PACS2: variants seen among roughly 807,000 people sequenced by gnomAD.
The protein encoded by PACS2 is PACS1-like protein.
In PACS2, 36 loss-of-function variants were observed where a neutral mutation model predicts 113.0. That is an observed-to-expected ratio of 0.32 (90% CI 0.24 to 0.42). PACS2 has a LOEUF of 0.42. Among genes scored for constraint, PACS2 ranks in the 10% least tolerant of loss-of-function variants. The pLI is 1.00. For missense variants in PACS2, 1,015 were observed against 1,239.5 expected (o/e 0.82, Z 2.72); for synonymous variants, 589 against 536.1 (o/e 1.10, Z -1.36).
chr14:105,350,738 C>T (rs2060139428), intron 2 of PACS2, among the ~76,000 whole-genome samples: 1 of 152,244 alleles, frequency 6.6e-6, no homozygotes, highest in African/African-American at 2.4e-5. Flanking sequence ...CCCGACACAG[C>T]TGGGTCCCTG....
chr14:105,369,912 G>GCGCCTTCTGCTCGCGGCCCCCA lies in PACS2; in HGVS notation c.801+18_801+39dup. 6.3e-7 allele frequency: 1 copy of GCGCCTTCTGCTCGCGGCCCCCA among 1,596,298 alleles called. No individual in the cohort carries two copies. Among genetic ancestry groups the GCGCCTTCTGCTCGCGGCCCCCA allele is most frequent in the Non-Finnish European group, 8.5e-7 (1 of 1,175,750 alleles). On this transcript the variant is annotated intron_variant, in intron 8 of 24. Transcript: ENST00000447393. ...AAGTGTCCGACGAGGTGAGTGCGCC[G>GCGCCTTCTGCTCGCGGCCCCCA]CGCCTTCTGCTCGCGGCCCCCACGC...
At chr14:105,382,772 T>C in intron 14 of PACS2, 35 bp from the exon 15 acceptor site, 1 of 1,375,036 alleles carries the variant, frequency 7.3e-7, no homozygotes, top group Non-Finnish European at 1.0e-6. Flanking sequence ...CCTGGGCGGC[T>C]GTGCCGAAGT....
chr14:105,392,749 C>T lies in PACS2; in HGVS notation c.2386C>T (p.Arg796Trp), dbSNP rs1595193008. The change falls in exon 23 of 25, where the codon CGG (arginine) becomes TGG (tryptophan). Residue 796 changes from arginine (R) to tryptophan (W), a missense_variant. By Grantham distance (101) the Arg-to-Trp change is moderately radical. Transcript: ENST00000447393. The stretch of plus-strand genomic sequence containing the variant: ...CAAAAACACGCTCAAGTGCACTTTC[C>T]GGTCCCTCCAGGTCAGCAGGCTGCC... ...VTKNTLKCTF[R>W]SLQVSRLPSS... The T allele has an allele frequency of 6.2e-7, 1 of 1,612,582 alleles. No homozygotes were observed. The highest frequency in any genetic ancestry group is 1.1e-5 in the South Asian group (1 of 91,082).
chr14:105,392,489 C>T, intron 22 of PACS2, 130 bp from the exon 23 acceptor site: 1 of 741,634 alleles, frequency 1.3e-6, no homozygotes, highest in Admixed American at 2.3e-5. Context: ...GCTCCAAGCA[C>T]CCGGCCCTCC....
intron 21 of PACS2, 52 bp from the exon 22 acceptor site, chr14:105,391,579 C>G: frequency 1.3e-6 from 2 of 1,570,712 alleles, no homozygotes; most frequent in African/African-American, 2.7e-5. Context: ...CCTGGTGGCA[C>G]CCGGGCAGAG....
At chr14:105,344,741 T>G (rs2059855627) in intron 1 of PACS2, among the ~76,000 whole-genome samples, 1 of 152,178 alleles carries the variant, frequency 6.6e-6, no homozygotes, top group Admixed American at 6.6e-5. Flanking sequence ...TATTTTCAGT[T>G]TAGTTGTTCC....
At chr14:105,388,301 G>T (rs1455168195) in intron 19 of PACS2, among the ~76,000 whole-genome samples, 1 of 152,236 alleles carries the variant, frequency 6.6e-6, no homozygotes, top group Non-Finnish European at 1.5e-5. Context: ...GACAGGGAAG[G>T]CACCTGCTGG....
chr14:105,327,331 C>T (rs957903174), intron 1 of PACS2, among the ~76,000 whole-genome samples: 8 of 152,192 alleles, frequency 5.3e-5, no homozygotes, highest in Admixed American at 2.0e-4. Context: ...CAGTGCCTGC[C>T]GCTACTGCCT....
In PACS2 at chr14:105,389,989, A is replaced by C. The variant is rs782503861; in HGVS notation, c.2062A>C (p.Ile688Leu). ...TGACGAAGAGTCCTCCCAAAAGTTCATTCCCTTTGTCGGGGTGAGTACTGG... is the reference window on the plus strand; with the variant it reads ...TGACGAAGAGTCCTCCCAAAAGTTCCTTCCCTTTGTCGGGGTGAGTACTGG... ...SPDEESSQKF[I>L]PFVGVVKVGI... The change falls in exon 20 of 25, where the codon ATT becomes CTT. Residue 688 changes from isoleucine (I) to leucine (L), a missense_variant. Physicochemically the swap from Ile to Leu is conservative, Grantham distance 5 (BLOSUM62 2). Transcript: ENST00000447393. 3 of 1,613,976 alleles carry C rather than the reference A, an allele frequency of 1.9e-6. No homozygotes were observed. Among genetic ancestry groups the C allele is most frequent in the Non-Finnish European group, 1.7e-6 (2 of 1,179,910 alleles).
chr14:105,322,376 G>C (rs973057600), intron 1 of PACS2, among the ~76,000 whole-genome samples: 1 of 152,004 alleles, frequency 6.6e-6, no homozygotes, highest in South Asian at 2.1e-4. Context: ...TGATTCTTGT[G>C]CCTCAGCCTC....
chr14:105,306,183 A>G (rs2058181076), intron 1 of PACS2, among the ~76,000 whole-genome samples: 1 of 152,228 alleles, frequency 6.6e-6, no homozygotes, highest in South Asian at 2.1e-4. Flanking sequence ...GGCCTGAGAA[A>G]AATGACCTGA....
intron 1 of PACS2, among the ~76,000 whole-genome samples, chr14:105,334,825 G>T (rs1272613734): frequency 6.6e-6 from 1 of 152,226 alleles, no homozygotes; most frequent in African/African-American, 2.4e-5. Flanking sequence ...CTGCGGGGGG[G>T]AGCTGTGGCA....
At chr14:105,333,649 A>G (rs957589342) in intron 1 of PACS2, among the ~76,000 whole-genome samples, 2 of 152,380 alleles carry the variant, frequency 1.3e-5, no homozygotes, top group Admixed American at 1.3e-4. Flanking sequence ...ACCTTCTTGC[A>G]GGCCCACTCT....
At chr14:105,364,463 G>A (rs1184784186) in intron 4 of PACS2, among the ~76,000 whole-genome samples, 1 of 145,340 alleles carries the variant, frequency 6.9e-6, no homozygotes, top group Non-Finnish European at 1.5e-5. Context: ...CGCGGTGGGC[G>A]GCGTCCCGGG....
intron 3 of PACS2, among the ~76,000 whole-genome samples, chr14:105,353,608 G>A (rs1174857122): frequency 1.3e-5 from 2 of 151,950 alleles, no homozygotes; most frequent in Non-Finnish European, 2.9e-5. Context: ...TTTTTTGTTT[G>A]TTTGTTTGTT....
At position 105,340,685 on chromosome 14, in the gene PACS2, A is replaced by G. The variant is rs2059689454; in HGVS notation, c.120-7808A>G. On this transcript the variant is annotated intron_variant, in intron 1 of 24. Transcript: ENST00000447393. The surrounding 1 kb of genome is among the most constrained non-coding windows in gnomAD (Gnocchi z 4.2). Reference sequence around the variant, plus strand: ...GGACCTCTGGTCTACAGCACAGGTGACTTTTCTGTACCAGAGCTAGGAATG... The same window carrying G: ...GGACCTCTGGTCTACAGCACAGGTGGCTTTTCTGTACCAGAGCTAGGAATG... Among the ~76,000 whole-genome samples the G allele has an allele frequency of 6.6e-6, 1 of 152,178 alleles. No homozygotes were observed. The highest frequency in any genetic ancestry group is 1.5e-5 in the Non-Finnish European group (1 of 68,034).
intron 14 of PACS2, 111 bp from the exon 15 acceptor site, chr14:105,382,696 G>T: frequency 2.2e-6 from 2 of 924,380 alleles, no homozygotes; most frequent in Non-Finnish European, 3.4e-6. Flanking sequence ...GCTGTGGTTT[G>T]CCTGGACGTG....
At chr14:105,304,928 A>G (rs989129082) in intron 1 of PACS2, among the ~76,000 whole-genome samples, 4 of 152,232 alleles carry the variant, frequency 2.6e-5, no homozygotes, top group African/African-American at 9.6e-5. Flanking sequence ...TCCCTCCACA[A>G]TATGTGGGAA....
chr14:105,333,853 G>A (rs587612152), intron 1 of PACS2, among the ~76,000 whole-genome samples: 147 of 152,338 alleles, frequency 9.6e-4, no homozygotes, highest in Non-Finnish European at 1.3e-3. Flanking sequence ...AGTGTGAGGC[G>A]TGGCCCACAG....
Sources: allele counts gnomAD v4.1 joint callset (sites outside exome capture counted in the v4.1 genomes callset), GRCh38; gene constraint gnomAD v4.1.1; non-coding constraint Gnocchi (gnomAD v3.1); transcripts MANE v1.5; gene names NCBI Gene and HGNC (gene_info 2026-07-23, HGNC 2026-07-21).